Variants in MINPP1 observed in about 807,000 individuals in gnomAD.
The protein encoded by MINPP1 is multiple inositol-polyphosphate phosphatase 1, also known as multiple inositol polyphosphate phosphatase 1.
A neutral mutation model predicts 46.1 loss-of-function variants in MINPP1; 28 were observed. The observed-to-expected ratio is 0.61, with a 90% CI of 0.45 to 0.83. The LOEUF (loss-of-function observed/expected upper bound fraction) is 0.83, where lower values mean the gene tolerates loss of function less well. MINPP1 is among the 40% of genes least tolerant of loss of function. The pLI is 0.00. For missense variants in MINPP1, 603 were observed against 610.0 expected (o/e 0.99, Z 0.12); for synonymous variants, 268 against 249.1 (o/e 1.08, Z -0.72).
In MINPP1 at chr10:87,508,009, T is replaced by A. The variant is rs1196197075; in HGVS notation, c.638-327T>A. On this transcript the variant is annotated intron_variant, in intron 1 of 4. Coordinates refer to ENST00000371996, the MANE Select transcript of MINPP1 (RefSeq NM_004897.5). ...CCTTGTAAGTAGAAACTTTGCTGATTTTTAGTTTGCTTTCTAAAGTTTTCC... is the reference window on the plus strand; with the variant it reads ...CCTTGTAAGTAGAAACTTTGCTGATATTTAGTTTGCTTTCTAAAGTTTTCC... The A allele has an allele frequency of 2.1e-6, 3 of 1,401,556 alleles. No individual in the cohort carries two copies. In the African/African-American group the frequency reaches 4.4e-5, roughly 20 times the overall value. 86.8% of individuals were successfully genotyped at this position (1,401,556 alleles called of 1,614,324 possible). A position where few individuals can be genotyped will look rare whatever the true frequency, so the allele number is the denominator to read the frequency against.
intron 4 of MINPP1, among the ~76,000 whole-genome samples, chr10:87,530,616 G>A (rs1049186478): frequency 6.6e-6 from 1 of 152,168 alleles, no homozygotes; most frequent in Non-Finnish European, 1.5e-5. Flanking sequence ...GCCCCTACTG[G>A]GAGGTGCCCC....
chr10:87,508,685 T>C (rs1387508550), intron 2 of MINPP1, 152 bp downstream of exon 2: 2 of 722,578 alleles, frequency 2.8e-6, no homozygotes, highest in African/African-American at 1.8e-5. Flanking sequence ...ATTGTATACC[T>C]TGTGCTTACT....
intron 4 of MINPP1, among the ~76,000 whole-genome samples, chr10:87,543,018 A>G (rs745823788): frequency 6.6e-6 from 1 of 152,206 alleles, no homozygotes; most frequent in Non-Finnish European, 1.5e-5. Context: ...AGCGATATGA[A>G]CAGTGAAGTC....
chr10:87,541,636 G>C (rs942997349), intron 4 of MINPP1, among the ~76,000 whole-genome samples: 1 of 152,180 alleles, frequency 6.6e-6, no homozygotes, highest in Non-Finnish European at 1.5e-5. Context: ...TTGGCTCACA[G>C]TTCTGCAGGT....
intron 4 of MINPP1, among the ~76,000 whole-genome samples, chr10:87,538,814 T>C (rs1851774201): frequency 6.6e-6 from 1 of 152,252 alleles, no homozygotes. Flanking sequence ...AAACATACTT[T>C]GCATAACATC....
intron 4 of MINPP1, among the ~76,000 whole-genome samples, chr10:87,535,489 G>T (rs1851720774): frequency 6.6e-6 from 1 of 152,222 alleles, no homozygotes. Flanking sequence ...AGAGTATTGA[G>T]CAAAGGCCTA....
At chr10:87,516,866 A>C (rs1412185668) in intron 3 of MINPP1, among the ~76,000 whole-genome samples, 1 of 152,118 alleles carries the variant, frequency 6.6e-6, no homozygotes, top group Non-Finnish European at 1.5e-5. Context: ...ATTGTTTACT[A>C]ATTTATTTTT....
At chr10:87,511,858 G>A (rs755426498) in intron 2 of MINPP1, among the ~76,000 whole-genome samples, 5 of 152,132 alleles carry the variant, frequency 3.3e-5, no homozygotes, top group Non-Finnish European at 7.4e-5. Flanking sequence ...CCACTATATT[G>A]TATCAGGTAT....
At chr10:87,542,357 C>T (rs1851827771) in intron 4 of MINPP1, among the ~76,000 whole-genome samples, 1 of 151,346 alleles carries the variant, frequency 6.6e-6, no homozygotes, top group South Asian at 2.1e-4. Flanking sequence ...TTGGCCCAGG[C>T]TGCATGATCA....
intron 4 of MINPP1, among the ~76,000 whole-genome samples, chr10:87,543,004 T>C (rs1355662735): frequency 6.6e-6 from 1 of 152,188 alleles, no homozygotes; most frequent in Non-Finnish European, 1.5e-5. Flanking sequence ...AACAAAATGC[T>C]GATAGCGATA....
chr10:87,507,796 C>A (rs1851274786), intron 1 of MINPP1: 2 of 1,002,848 alleles, frequency 2.0e-6, no homozygotes, highest in African/African-American at 1.7e-5. Context: ...ATTCACAGGC[C>A]CAGCACAGTG....
chr10:87,505,635 T>C lies in MINPP1; in HGVS notation c.637+83T>C. 1 of 1,282,308 alleles carries C rather than the reference T, an allele frequency of 7.8e-7. No homozygotes were observed. Among genetic ancestry groups the C allele is most frequent in the Admixed American group, 2.1e-5 (1 of 47,822 alleles). The allele number at this position is 1,282,308 out of a possible 1,614,324, so 79.4% of individuals were successfully genotyped here. A position where few individuals can be genotyped will look rare whatever the true frequency, so the allele number is the denominator to read the frequency against. ...TCCCGCCTCCCCCAGACCCTGGGCT[T>C]TTCCGATGCCCCCCAGTTCTCTTTC... On this transcript the variant is annotated intron_variant, in intron 1 of 4. Transcript: ENST00000371996. This position sits in a 1 kb window ranked among gnomAD's most constrained non-coding sequence, Gnocchi z 4.4.
At chr10:87,549,193 A>G (rs1434830185) in intron 4 of MINPP1, among the ~76,000 whole-genome samples, 5 of 152,234 alleles carry the variant, frequency 3.3e-5, no homozygotes, top group African/African-American at 1.2e-4. Flanking sequence ...GTATAAACCC[A>G]AGGAACCTTG....
intron 4 of MINPP1, among the ~76,000 whole-genome samples, chr10:87,548,174 C>T (rs1010687018): frequency 6.6e-6 from 1 of 152,196 alleles, no homozygotes; most frequent in Non-Finnish European, 1.5e-5. Flanking sequence ...CATGACCCAG[C>T]TCAAACACCA....
chr10:87,506,207 C>A (rs1471876945), intron 1 of MINPP1, among the ~76,000 whole-genome samples: 3 of 151,756 alleles, frequency 2.0e-5, no homozygotes, highest in Admixed American at 6.6e-5. Context: ...CTCATTTATT[C>A]CATTAATTAC....
chr10:87,545,165 A>G (rs1851869307), intron 4 of MINPP1, among the ~76,000 whole-genome samples: 1 of 152,088 alleles, frequency 6.6e-6, no homozygotes, highest in African/African-American at 2.4e-5. Flanking sequence ...GTCCTCCTTA[A>G]GGTTTCAGGA....
chr10:87,513,615 A>G (rs1212782374), intron 3 of MINPP1, among the ~76,000 whole-genome samples: 2 of 152,174 alleles, frequency 1.3e-5, no homozygotes, highest in African/African-American at 4.8e-5. Flanking sequence ...CCTAGCAACT[A>G]TTTTATAACA....
Position 87,504,964 on chromosome 10 carries a change from G to A in MINPP1, c.49G>A (p.Ala17Thr). The part of the protein sequence containing the change: ...CLLRTSVAPA[A>T]ALAAALLSSL... ...CCTCCGGACCTCCGTAGCGCCTGCCGCGGCCCTGGCTGCGGCGCTGCTCTC... is the reference window on the plus strand; with the variant it reads ...CCTCCGGACCTCCGTAGCGCCTGCCACGGCCCTGGCTGCGGCGCTGCTCTC... The change falls in exon 1 of 5, where the codon GCG becomes ACG. Residue 17 changes from alanine (A) to threonine (T), a missense_variant. Ala to Thr is a moderately conservative substitution (Grantham distance 58). Transcript: ENST00000371996. The A allele has an allele frequency of 1.2e-6, 2 of 1,611,984 alleles. No homozygotes were observed. The highest frequency in any genetic ancestry group is 1.1e-5 in the South Asian group (1 of 90,920).
At chr10:87,526,861 T>C (rs1851584572) in intron 4 of MINPP1, among the ~76,000 whole-genome samples, 1 of 152,168 alleles carries the variant, frequency 6.6e-6, no homozygotes, top group South Asian at 2.1e-4. Flanking sequence ...GTTGTAGATG[T>C]GTGGTATTAT....
Sources: allele counts gnomAD v4.1 joint callset (sites outside exome capture counted in the v4.1 genomes callset), GRCh38; gene constraint gnomAD v4.1.1; non-coding constraint Gnocchi (gnomAD v3.1); transcripts MANE v1.5; gene names NCBI Gene and HGNC (gene_info 2026-07-23, HGNC 2026-07-21).